Variants in NIPSNAP2 observed in about 807,000 individuals in gnomAD.
NIPSNAP2 encodes nipsnap homolog 2.
Under a neutral mutation model 48.4 loss-of-function variants are expected in NIPSNAP2, and 42 were observed. The ratio of observed to expected loss-of-function variants is 0.87; its 90% CI spans 0.68 to 1.12. NIPSNAP2 has a LOEUF of 1.12. NIPSNAP2 is among the 50% of genes most tolerant of loss of function. The pLI, the probability that NIPSNAP2 is intolerant of heterozygous loss-of-function variation, is 0.00. For synonymous variants in NIPSNAP2, 158 were observed against 126.6 expected (o/e 1.25, Z -1.67); for missense variants, 314 against 347.3 (o/e 0.90, Z 0.76).
rs747355579 is a variant in NIPSNAP2 at position 55,978,123 on chromosome 7, T to C, written c.93-3T>C. 25 of 1,613,882 alleles carry C rather than the reference T, an allele frequency of 1.5e-5. No homozygotes were observed. Among genetic ancestry groups the C allele is most frequent in the Admixed American group, 5.0e-5 (3 of 59,966 alleles). ...GCGTGACAACACCTTTGTTATTCCA[T>C]AGGACATGGACATCTTCCAGCAACA... On this transcript the variant is annotated splice_region_variant and splice_polypyrimidine_tract_variant and intron_variant, in intron 1 of 9. Transcript: ENST00000322090.
rs374632537 is a variant in NIPSNAP2 at position 55,994,126 on chromosome 7, G to A, written c.618-768G>A. Among the ~76,000 whole-genome samples, 243 of 152,216 alleles carry A rather than the reference G, an allele frequency of 1.6e-3. 6 individuals are homozygous for A. In the South Asian group the frequency reaches 0.04, roughly 25 times the overall value. Reference sequence around the variant, plus strand: ...GTGCTTCCTTCACCTGTGTTTTAACGCCCTGCCCCAGGGGTGGTCCCTGTC... The same window carrying A: ...GTGCTTCCTTCACCTGTGTTTTAACACCCTGCCCCAGGGGTGGTCCCTGTC... On this transcript the variant is annotated intron_variant, in intron 7 of 9. Coordinates refer to ENST00000322090, the MANE Select transcript of NIPSNAP2 (RefSeq NM_001483.3).
rs1554344167 is a variant in NIPSNAP2, at chr7:55,991,765, A to AAT, written c.618-3113_618-3112dup. 894 of 149,884 alleles carry AAT rather than the reference A, an allele frequency of 6.0e-3. 13 individuals carry two copies. Among genetic ancestry groups the AAT allele is most frequent in the South Asian group, 0.035 (219 of 6,176 alleles). The allele number at this position is 149,884 out of a possible 1,614,324, so 9.3% of individuals were successfully genotyped here. ...CTCTGTCTCAAAAAAAAAAAAAAAAAATATATATATATATATAATTTATAA... is the reference window on the plus strand; with the variant it reads ...CTCTGTCTCAAAAAAAAAAAAAAAAAATATATATATATATATATAATTTATAA... On this transcript the variant is annotated intron_variant, in intron 7 of 9. Coordinates refer to ENST00000322090, the MANE Select transcript of NIPSNAP2 (RefSeq NM_001483.3).
At chr7:55,979,446 C>A (rs1004261681) in intron 3 of NIPSNAP2, 3 of 203,792 alleles carry the variant, frequency 1.5e-5, no homozygotes, top group African/African-American at 4.6e-5. Flanking sequence ...GCTCTTCCAA[C>A]TTCCCTGTCT....
At chr7:55,990,791 CT>C (rs398004849) in intron 7 of NIPSNAP2, among the ~76,000 whole-genome samples, 9,536 of 136,536 alleles carry the variant, frequency 0.07, 258 homozygotes, top group Admixed American at 0.082. Flanking sequence ...TTTTCTTTTT[CT>C]TTTTTTTTTT....
Position 55,964,701 on chromosome 7 carries a change from G to T in NIPSNAP2, c.92G>T (p.Arg31Leu). ...CCCTGCAGCCTCCTGCCCAGGCTCC[G>T]GTGAGCAGCGCCGCCCTTCCCGGGA... The part of the protein sequence containing the change: ...AAPCSLLPRL[R>L]TWTSSSNRSR... The change falls in exon 1 of 10, where the codon CGG (arginine) becomes CTG (leucine). Residue 31 changes from arginine to leucine, a missense_variant and splice_region_variant. Arg to Leu is a moderately radical substitution (Grantham distance 102). Transcript: ENST00000322090. 8.9e-7 allele frequency: 1 copy of T among 1,121,006 alleles called. No individual in the cohort carries two copies. Among genetic ancestry groups the T allele is most frequent in the South Asian group, 4.3e-5 (1 of 23,206 alleles). The allele number at this position is 1,121,006 out of a possible 1,614,324, so 69.4% of individuals were successfully genotyped here.
intron 1 of NIPSNAP2, chr7:55,965,331 T>C (rs1450855349): frequency 6.8e-6 from 1 of 147,182 alleles, no homozygotes; most frequent in Non-Finnish European, 1.5e-5. Context: ...CGTGGGGCTC[T>C]TGTTTAAACT....
chr7:55,979,676 A>G (rs577497315), intron 3 of NIPSNAP2: 6 of 433,088 alleles, frequency 1.4e-5, no homozygotes, highest in African/African-American at 8.1e-5. Flanking sequence ...CCTGCAATAC[A>G]TTACCCCAAA....
At chr7:55,968,820 G>T (rs985838878) in intron 1 of NIPSNAP2, among the ~76,000 whole-genome samples, 2 of 152,150 alleles carry the variant, frequency 1.3e-5, no homozygotes, top group Admixed American at 1.3e-4. Context: ...GAGGCCAGAA[G>T]CTCAAGACCA....
intron 1 of NIPSNAP2, among the ~76,000 whole-genome samples, chr7:55,965,674 G>T (rs941173117): frequency 6.6e-6 from 1 of 151,950 alleles, no homozygotes; most frequent in Non-Finnish European, 1.5e-5. Context: ...TCCGCCTCCC[G>T]GGTTCAAGTA....
intron 1 of NIPSNAP2, among the ~76,000 whole-genome samples, chr7:55,975,951 C>T (rs939025589): frequency 4.6e-5 from 7 of 152,154 alleles, no homozygotes; most frequent in Non-Finnish European, 7.3e-5. Flanking sequence ...GCGGGAGAAT[C>T]GCTTGAACCT....
intron 7 of NIPSNAP2, among the ~76,000 whole-genome samples, chr7:55,990,067 CAG>C (rs1256208916): frequency 6.6e-5 from 10 of 151,988 alleles, no homozygotes; most frequent in Non-Finnish European, 1.0e-4. Context: ...GCCTGGGCGA[CAG>C]AGTGAGACTC....
intron 1 of NIPSNAP2, among the ~76,000 whole-genome samples, chr7:55,970,765 GTCCCTGTACATGTTGT>G (rs1787001707): frequency 6.6e-6 from 1 of 151,996 alleles, no homozygotes; most frequent in Non-Finnish European, 1.5e-5. Flanking sequence ...ATGACTCCAT[GTCCCTGTACATGTTGT>G]TCCCATTGAC....
Position 55,999,558 on chromosome 7 carries a change from A to AG in NIPSNAP2, c.*486_*487insG, listed in dbSNP as rs541154530. ...TAGTTTCTGAGGAGGAACAAATTAC[A>AG]AGTGTACCCAATAACTGAAAATGTT... On this transcript the variant is annotated 3_prime_UTR_variant, in exon 10 of 10. Transcript: ENST00000322090. The AG allele has an allele frequency of 6.0e-3, 936 of 155,764 alleles. 2 individuals carry two copies. The highest frequency in any genetic ancestry group is 8.6e-3 in the Non-Finnish European group (604 of 70,294). The allele number at this position is 155,764 out of a possible 1,614,324, so 9.6% of individuals were successfully genotyped here. A position where few individuals can be genotyped will look rare whatever the true frequency, so the allele number is the denominator to read the frequency against.
intron 7 of NIPSNAP2, among the ~76,000 whole-genome samples, chr7:55,985,458 GGTGCACT>G (rs143054437): frequency 0.023 from 3,464 of 152,114 alleles, 71 homozygotes; most frequent in Non-Finnish European, 0.033. Context: ...AGACTAGCCA[GGTGCACT>G]GTGGCTCATG....
At chr7:55,997,209 T>C (rs1196004329) in intron 8 of NIPSNAP2, among the ~76,000 whole-genome samples, 157 bp from the exon 9 acceptor site, 1 of 150,528 alleles carries the variant, frequency 6.6e-6, no homozygotes, top group Non-Finnish European at 1.5e-5. Context: ...TGGCCTAATA[T>C]AATTTTGCTC....
chr7:55,992,991 T>C (rs1787482473), intron 7 of NIPSNAP2, among the ~76,000 whole-genome samples: 1 of 151,984 alleles, frequency 6.6e-6, no homozygotes, highest in Admixed American at 6.6e-5. Context: ...TTTTAAGTGG[T>C]GCAAGTATGA....
rs530990766 is a variant in NIPSNAP2, at chr7:55,983,612, C to T, written c.445-116C>T. 17 of 988,740 alleles carry T rather than the reference C, an allele frequency of 1.7e-5. 1 individual carries two copies. In the South Asian group the frequency reaches 2.8e-4, roughly 16 times the overall value. 61.2% of individuals were successfully genotyped at this position (988,740 alleles called of 1,614,324 possible). On this transcript the variant is annotated intron_variant, in intron 5 of 9. Coordinates refer to ENST00000322090, the MANE Select transcript of NIPSNAP2 (RefSeq NM_001483.3). Reference sequence around the variant, plus strand: ...GATGTAAACTGGGACTGTCTCAGGCCAACTGGGACCTGTTGATTACCCTAT... The same window carrying T: ...GATGTAAACTGGGACTGTCTCAGGCTAACTGGGACCTGTTGATTACCCTAT...
At chr7:55,990,330 G>A (rs1250611893) in intron 7 of NIPSNAP2, among the ~76,000 whole-genome samples, 1 of 150,634 alleles carries the variant, frequency 6.6e-6, no homozygotes, top group Non-Finnish European at 1.5e-5. Context: ...CCAGGTTCAC[G>A]CCATTCTCCT....
chr7:55,987,087 T>G (rs1347481346), intron 7 of NIPSNAP2, among the ~76,000 whole-genome samples: 4 of 150,760 alleles, frequency 2.7e-5, no homozygotes, highest in Admixed American at 2.0e-4. Context: ...TGCTTGAGCC[T>G]GGGGAGGTGG....
Sources: allele counts gnomAD v4.1 joint callset (sites outside exome capture counted in the v4.1 genomes callset), GRCh38; gene constraint gnomAD v4.1.1; transcripts MANE v1.5; gene names NCBI Gene and HGNC (gene_info 2026-07-23, HGNC 2026-07-21).